The following ANKRD30B variants were observed in gnomAD, a reference collection of about 807,000 sequenced individuals.
The protein encoded by ANKRD30B is ankyrin repeat domain 30B, also known as ankyrin repeat domain-containing protein 30B.
ANKRD30B carries 144 observed loss-of-function variants against 202.2 expected under a neutral mutation model. That is an observed-to-expected ratio of 0.71 (90% CI 0.62 to 0.82). The LOEUF (loss-of-function observed/expected upper bound fraction) is 0.82. Ranked by LOEUF, ANKRD30B falls within the 40% of genes least tolerant of loss-of-function variation. The probability of loss-of-function intolerance (pLI) is 0.00; values close to 1 mark genes in which losing one functional copy is unlikely to be tolerated. For missense variants in ANKRD30B, 1,487 were observed against 1,669.1 expected, an observed-to-expected ratio of 0.89 and a Z score of 1.90; for synonymous variants, 508 against 561.3, an observed-to-expected ratio of 0.91 and a Z score of 1.34.
chr18:14,906,789 G>A, the ANKRD30B span, among the ~76,000 whole-genome samples: 148,186 of 151,904 alleles, frequency 0.98, 72,394 homozygotes, highest in Middle Eastern at 1. Flanking sequence ...TCTTGAGAAC[G>A]TGTGCTCAAG....
At chr18:14,820,900 C>G (rs901906675) in intron 30 of ANKRD30B, among the ~76,000 whole-genome samples, 1 of 152,150 alleles carries the variant, frequency 6.6e-6, no homozygotes, top group Admixed American at 6.5e-5. Flanking sequence ...GGAGGATTCC[C>G]TCTTTTTCTA....
intron 39 of ANKRD30B, among the ~76,000 whole-genome samples, chr18:14,847,050 T>TTTTATATATAAATATATA (rs1555672629): frequency 9.0e-6 from 1 of 111,110 alleles, no homozygotes; most frequent in African/African-American, 3.2e-5. Context: ...TGATTTAGTT[T>TTTTATATATAAATATATA]TATATATATA....
chr18:14,857,543 C>T (rs1289005721), downstream of ANKRD30B, among the ~76,000 whole-genome samples: 1 of 1,280 alleles, frequency 7.8e-4, no homozygotes, highest in African/African-American at 8.5e-4. Flanking sequence ...CGCTCCTCAC[C>T]TCCCAGATGG....
At chr18:14,755,374 T>C (rs1028697560) in intron 4 of ANKRD30B, among the ~76,000 whole-genome samples, 2 of 150,268 alleles carry the variant, frequency 1.3e-5, no homozygotes, top group Admixed American at 1.3e-4. Context: ...CTAACTTCTC[T>C]TTTTTATACA....
chr18:14,800,307 T>C (rs533100436), intron 22 of ANKRD30B, among the ~76,000 whole-genome samples: 4 of 150,478 alleles, frequency 2.7e-5, no homozygotes, highest in African/African-American at 9.9e-5. Flanking sequence ...TCTTAAATTT[T>C]CTTTTTTTTT....
chr18:14,866,949 T>C, the ANKRD30B span, among the ~76,000 whole-genome samples: 1 of 131,378 alleles, frequency 7.6e-6, no homozygotes, highest in African/African-American at 2.9e-5. Flanking sequence ...AGCTACAATG[T>C]CAGCAACAAT....
chr18:14,822,733 G>T (rs1209415724), intron 32 of ANKRD30B, 56 bp downstream of exon 32: 69 of 1,254,898 alleles, frequency 5.5e-5, no homozygotes, highest in Non-Finnish European at 7.2e-5. Flanking sequence ...AATATTTGAA[G>T]TGCCAAGAGC....
the ANKRD30B span, among the ~76,000 whole-genome samples, chr18:14,937,970 A>G: frequency 6.6e-6 from 1 of 152,178 alleles, no homozygotes; most frequent in East Asian, 1.9e-4. Flanking sequence ...GGATATGTCA[A>G]TGGTAACTTC....
chr18:14,790,517 G>A (rs1206833635), intron 15 of ANKRD30B, among the ~76,000 whole-genome samples: 3 of 152,124 alleles, frequency 2.0e-5, no homozygotes, highest in Non-Finnish European at 2.9e-5. Context: ...TATGATATTG[G>A]CTGTGGGTTT....
At chr18:14,831,341 A>G (rs1160152973) in intron 33 of ANKRD30B, 42 bp from the exon 34 acceptor site, 51 of 1,302,350 alleles carry the variant, frequency 3.9e-5, no homozygotes, top group Non-Finnish European at 5.4e-5. Context: ...TTCTTTTTAA[A>G]TATATGAATT....
intron 16 of ANKRD30B, among the ~76,000 whole-genome samples, chr18:14,794,599 A>G (rs1467920646): frequency 6.6e-6 from 1 of 152,204 alleles, no homozygotes; most frequent in African/African-American, 2.4e-5. Context: ...AGTAAAGTTT[A>G]AAGATATTAA....
chr18:14,869,476 G>T, the ANKRD30B span, among the ~76,000 whole-genome samples: 1 of 151,864 alleles, frequency 6.6e-6, no homozygotes, highest in African/African-American at 2.4e-5. Context: ...AATATTTAAA[G>T]CCATTAAAAG....
At chr18:14,842,831 G>C (rs1971473515) in intron 37 of ANKRD30B, 66 bp from the exon 38 acceptor site, 1 of 1,482,704 alleles carries the variant, frequency 6.7e-7, no homozygotes, top group African/African-American at 1.4e-5. Flanking sequence ...ACTATCACTG[G>C]ATTCATTTGT....
chr18:14,825,572 AAAG>A (rs771300106), intron 32 of ANKRD30B, among the ~76,000 whole-genome samples: 10 of 151,816 alleles, frequency 6.6e-5, no homozygotes, highest in Admixed American at 3.9e-4. Context: ...AACTCAAAGT[AAAG>A]AAGATTAGGC....
chr18:14,815,931 GATATTT>G (rs1970075760), intron 30 of ANKRD30B, among the ~76,000 whole-genome samples: 1 of 152,050 alleles, frequency 6.6e-6, no homozygotes, highest in African/African-American at 2.4e-5. Flanking sequence ...AAAATTAGTG[GATATTT>G]ATATTTAGTA....
chr18:14,905,656 C>G, the ANKRD30B span: 7 of 152,120 alleles, frequency 4.6e-5, no homozygotes, highest in African/African-American at 1.7e-4. Flanking sequence ...CTGGCAAAGA[C>G]CTAGAAAGGG....
the ANKRD30B span, among the ~76,000 whole-genome samples, chr18:14,919,156 C>T: frequency 6.6e-6 from 1 of 152,214 alleles, no homozygotes; most frequent in African/African-American, 2.4e-5. Flanking sequence ...GTTTCATTGC[C>T]CACTAGGTTA....
the ANKRD30B span, among the ~76,000 whole-genome samples, chr18:14,907,803 C>A: frequency 6.6e-6 from 1 of 152,108 alleles, no homozygotes; most frequent in South Asian, 2.1e-4. Flanking sequence ...GTTACTGAAC[C>A]CCTTTCTTTT....
chr18:14,760,359 A>G (rs1375170819), intron 5 of ANKRD30B, among the ~76,000 whole-genome samples, 195 bp from the exon 6 acceptor site: 1 of 152,158 alleles, frequency 6.6e-6, no homozygotes, highest in Non-Finnish European at 1.5e-5. Flanking sequence ...TGAGTATTTC[A>G]TCTTACTTTA....
Sources: allele counts gnomAD v4.1 joint callset (sites outside exome capture counted in the v4.1 genomes callset), GRCh38; gene constraint gnomAD v4.1.1; transcripts MANE v1.5; gene names NCBI Gene and HGNC (gene_info 2026-07-23, HGNC 2026-07-21).